Variants in PTPRG observed in about 807,000 individuals in gnomAD.
PTPRG encodes protein tyrosine phosphatase receptor type G.
PTPRG carries 102 observed loss-of-function variants against 165.3 expected under a neutral mutation model. That is an observed-to-expected ratio of 0.62 (90% CI 0.53 to 0.73). PTPRG has a LOEUF of 0.73. Among genes scored for constraint, PTPRG ranks in the 30% least tolerant of loss-of-function variants. PTPRG has a pLI of 0.00. For synonymous variants in PTPRG, 675 were observed against 669.5 expected (o/e 1.01, Z -0.13); for missense variants, 1,866 against 1,861.4 (o/e 1.00, Z -0.05).
chr3:62,074,665 G>T (rs995357221), intron 4 of PTPRG, among the ~76,000 whole-genome samples: 2 of 152,020 alleles, frequency 1.3e-5, no homozygotes, highest in East Asian at 3.9e-4. Flanking sequence ...TTCAGCTTAC[G>T]TACACCACGT....
intron 5 of PTPRG, among the ~76,000 whole-genome samples, chr3:62,090,790 A>G (rs1447792552): frequency 1.3e-5 from 2 of 152,194 alleles, no homozygotes; most frequent in African/African-American, 2.4e-5. Flanking sequence ...TTCTGATTCT[A>G]GAACCTTCCC....
chr3:61,562,146 A>G lies in PTPRG; in HGVS notation c.-142A>G. ...CGGCGGCTTCCCGGATTCCAAGGGG[A>G]CTCGGGCCGCCGAGCGCGGGGGGCC... On this transcript the variant is annotated 5_prime_UTR_variant, in exon 1 of 30. Transcript: ENST00000474889. The G allele has an allele frequency of 3.9e-6, 2 of 517,028 alleles. No homozygotes were observed. The highest frequency in any genetic ancestry group is 3.5e-6 in the Non-Finnish European group (1 of 286,004). The allele number at this position is 517,028 out of a possible 1,614,324, so 32.0% of individuals were successfully genotyped here.
chr3:61,900,353 G>T (rs2038466452), intron 2 of PTPRG, among the ~76,000 whole-genome samples: 1 of 152,144 alleles, frequency 6.6e-6, no homozygotes, highest in South Asian at 2.1e-4. Context: ...TACCATTGCT[G>T]CTGTGCTGTT....
chr3:62,172,957 C>A (rs532104852), intron 8 of PTPRG, among the ~76,000 whole-genome samples: 87 of 152,160 alleles, frequency 5.7e-4, no homozygotes, highest in African/African-American at 1.7e-3. Context: ...TGGTTAAGGG[C>A]CAGATAGTAA....
intron 1 of PTPRG, among the ~76,000 whole-genome samples, chr3:61,631,719 T>C (rs1701779518): frequency 6.6e-6 from 1 of 152,208 alleles, no homozygotes; most frequent in African/African-American, 2.4e-5. Context: ...ATAAAAGTGC[T>C]TATTCTACTC....
At position 62,294,126 on chromosome 3, in the gene PTPRG, A is replaced by G. The variant is rs1409871955; in HGVS notation, c.*819A>G. On this transcript the variant is annotated 3_prime_UTR_variant, in exon 30 of 30. Transcript: ENST00000474889. ...TAGCAAGATAGCAATATTATATACA[A>G]CTCAGTTATGAGACCCTTTAGTTAT... The G allele has an allele frequency of 6.6e-6, 1 of 152,032 alleles. No individual in the cohort carries two copies. Among genetic ancestry groups the G allele is most frequent in the African/African-American group, 2.4e-5 (1 of 41,404 alleles). 9.4% of individuals were successfully genotyped at this position (152,032 alleles called of 1,614,324 possible).
chr3:61,647,304 G>A (rs1024386274), intron 1 of PTPRG, among the ~76,000 whole-genome samples: 1 of 152,102 alleles, frequency 6.6e-6, no homozygotes, highest in African/African-American at 2.4e-5. Context: ...AACAAAAGAG[G>A]AATTGCAGTT....
chr3:61,766,567 T>A (rs2034021893), intron 2 of PTPRG, among the ~76,000 whole-genome samples: 1 of 152,130 alleles, frequency 6.6e-6, no homozygotes, highest in Non-Finnish European at 1.5e-5. Context: ...AAGGAAACTT[T>A]GTTCGTATCA....
intron 5 of PTPRG, among the ~76,000 whole-genome samples, chr3:62,109,159 A>G (rs1702579178): frequency 6.6e-6 from 1 of 152,160 alleles, no homozygotes. Context: ...GTTTTCTTCT[A>G]GGATTTTTAT....
intron 1 of PTPRG, among the ~76,000 whole-genome samples, chr3:61,615,996 G>A (rs1199757136): frequency 6.6e-6 from 1 of 152,222 alleles, no homozygotes; most frequent in Non-Finnish European, 1.5e-5. Flanking sequence ...CTGTTCCCAG[G>A]CTGGAGTGCA....
intron 1 of PTPRG, among the ~76,000 whole-genome samples, chr3:61,624,528 G>A (rs549459629): frequency 6.6e-6 from 1 of 152,342 alleles, no homozygotes; most frequent in East Asian, 1.9e-4. Context: ...ATGAGGGAAA[G>A]CCCAAGGGCA....
intron 5 of PTPRG, among the ~76,000 whole-genome samples, chr3:62,109,739 T>C (rs1189524478): frequency 6.6e-6 from 1 of 152,128 alleles, no homozygotes; most frequent in Non-Finnish European, 1.5e-5. Flanking sequence ...GTGCCACTCA[T>C]CTCAGCAGCT....
At chr3:61,570,095 C>G (rs1700022368) in intron 1 of PTPRG, among the ~76,000 whole-genome samples, 1 of 152,104 alleles carries the variant, frequency 6.6e-6, no homozygotes, top group South Asian at 2.1e-4. Flanking sequence ...CAATTTGGCT[C>G]CACTGATGGG....
At chr3:62,180,866 T>A (rs1434757154) in intron 8 of PTPRG, among the ~76,000 whole-genome samples, 2 of 152,196 alleles carry the variant, frequency 1.3e-5, no homozygotes, top group African/African-American at 4.8e-5. Context: ...AAACCAGTGC[T>A]TGAACTGGAG....
chr3:62,178,978 A>T (rs1430339086), intron 8 of PTPRG, among the ~76,000 whole-genome samples: 2 of 152,208 alleles, frequency 1.3e-5, no homozygotes, highest in African/African-American at 4.8e-5. Flanking sequence ...CCTATGAAAC[A>T]TGAGGCTGCG....
At chr3:62,092,110 A>T (rs1701954899) in intron 5 of PTPRG, among the ~76,000 whole-genome samples, 1 of 98,664 alleles carries the variant, frequency 1.0e-5, no homozygotes, top group African/African-American at 4.1e-5. Context: ...ACACACACAC[A>T]CACACACACA....
intron 2 of PTPRG, chr3:61,925,747 A>G (rs1442919458): frequency 2.7e-6 from 1 of 376,184 alleles, no homozygotes; most frequent in Non-Finnish European, 5.3e-6. Context: ...TATCTTTAAA[A>G]AAAAAAAAAA....
intron 1 of PTPRG, among the ~76,000 whole-genome samples, chr3:61,699,758 G>T (rs2106698454): frequency 6.6e-6 from 1 of 152,312 alleles, no homozygotes; most frequent in Admixed American, 6.5e-5. Context: ...CCAGGAGATA[G>T]TCTGAATTCA....
intron 4 of PTPRG, among the ~76,000 whole-genome samples, chr3:62,065,839 G>A (rs1235141156): frequency 6.6e-6 from 1 of 152,134 alleles, no homozygotes; most frequent in Non-Finnish European, 1.5e-5. Context: ...TAGACCAGTT[G>A]ACCCAGCTAA....
Sources: allele counts gnomAD v4.1 joint callset (sites outside exome capture counted in the v4.1 genomes callset), GRCh38; gene constraint gnomAD v4.1.1; transcripts MANE v1.5; gene names NCBI Gene and HGNC (gene_info 2026-07-23, HGNC 2026-07-21).